The following ADCY7 variants were observed in gnomAD, a reference collection of about 807,000 sequenced individuals.
The protein encoded by ADCY7 is adenylate cyclase type 7.
In ADCY7, 72 loss-of-function variants were observed where a neutral mutation model predicts 120.6. The observed-to-expected ratio is 0.60, with a 90% CI of 0.49 to 0.73. The LOEUF is 0.73. ADCY7 is among the 30% of genes least tolerant of loss of function. The pLI is 0.00. For missense variants in ADCY7, 1,227 were observed against 1,486.0 expected, an observed-to-expected ratio of 0.83 and a Z score of 2.87; for synonymous variants, 661 against 628.0, an observed-to-expected ratio of 1.05 and a Z score of -0.78.
chr16:50,312,752 C>T, intron 21 of ADCY7, 138 bp from the exon 22 acceptor site: 1 of 822,192 alleles, frequency 1.2e-6, no homozygotes, highest in Non-Finnish European at 1.9e-6. Flanking sequence ...AGATGAAACT[C>T]ATGCAGCCCG....
At chr16:50,257,895 A>G (rs773169665) in intron 1 of ADCY7, among the ~76,000 whole-genome samples, 1 of 151,896 alleles carries the variant, frequency 6.6e-6, no homozygotes, top group African/African-American at 2.4e-5. Context: ...GGCATGCACC[A>G]CCACACCAGG....
intron 11 of ADCY7, 148 bp from the exon 12 acceptor site, chr16:50,304,777 A>G (rs1380184863): frequency 2.7e-5 from 31 of 1,145,710 alleles, no homozygotes; most frequent in South Asian, 5.2e-5. Flanking sequence ...GACCACGCTC[A>G]GCTATAGTCA....
At chr16:50,268,132 C>G (rs989469452) in intron 1 of ADCY7, among the ~76,000 whole-genome samples, 4 of 152,186 alleles carry the variant, frequency 2.6e-5, no homozygotes, top group African/African-American at 9.6e-5. Context: ...GAGTCTCTGT[C>G]TGTTGCCCAG....
intron 1 of ADCY7, among the ~76,000 whole-genome samples, chr16:50,282,607 C>T (rs1222174344): frequency 6.6e-6 from 1 of 152,070 alleles, no homozygotes; most frequent in African/African-American, 2.4e-5. Context: ...CTGTCCTGGG[C>T]CTTGTTTGTA....
At chr16:50,249,677 G>A (rs554772150) in intron 1 of ADCY7, among the ~76,000 whole-genome samples, 4 of 152,334 alleles carry the variant, frequency 2.6e-5, no homozygotes, top group African/African-American at 7.2e-5. Flanking sequence ...CCTCGTTATC[G>A]CCCAGTTTGC....
At chr16:50,305,895 G>A (rs759046419) in intron 14 of ADCY7, 46 bp downstream of exon 14, 11 of 1,593,092 alleles carry the variant, frequency 6.9e-6, no homozygotes, top group Admixed American at 6.7e-5. Context: ...GGGGTCTCCA[G>A]GCCTGGGGTA....
intron 11 of ADCY7, 57 bp downstream of exon 11, chr16:50,304,608 A>T: frequency 6.8e-7 from 1 of 1,475,226 alleles, no homozygotes; most frequent in East Asian, 2.3e-5. Flanking sequence ...CAGGAGCAGG[A>T]GAGTGAGTGC....
intron 2 of ADCY7, chr16:50,289,175 C>T (rs1379940232): frequency 6.2e-6 from 2 of 320,878 alleles, no homozygotes; most frequent in Non-Finnish European, 1.2e-5. Flanking sequence ...TGTCTACATT[C>T]TCAGAATCCT....
At chr16:50,270,511 A>G (rs1202780390) in intron 1 of ADCY7, among the ~76,000 whole-genome samples, 1 of 152,192 alleles carries the variant, frequency 6.6e-6, no homozygotes, top group Non-Finnish European at 1.5e-5. Context: ...AGGTGGTTGT[A>G]AAGATTAAAT....
chr16:50,258,571 G>A (rs2150794806), intron 1 of ADCY7, among the ~76,000 whole-genome samples: 1 of 150,796 alleles, frequency 6.6e-6, no homozygotes, highest in South Asian at 2.1e-4. Context: ...GGCAGTCATT[G>A]ATATTCAATG....
intron 1 of ADCY7, among the ~76,000 whole-genome samples, chr16:50,286,848 A>G (rs1346609211): frequency 1.3e-5 from 2 of 152,170 alleles, no homozygotes; most frequent in African/African-American, 4.8e-5. Flanking sequence ...CTTGATCCCT[A>G]CCTCACACCA....
At chr16:50,261,824 G>C (rs1427455563), upstream of ADCY7, among the ~76,000 whole-genome samples, 1 of 152,212 alleles carries the variant, frequency 6.6e-6, no homozygotes, top group Non-Finnish European at 1.5e-5. Flanking sequence ...GGCGAGGTTG[G>C]CGACAAGTGG....
rs1488042636 is a variant in ADCY7, at chr16:50,289,082, C to G, written c.171+732C>G. The G allele has an allele frequency of 3.1e-5, 6 of 192,306 alleles. No individual in the cohort carries two copies. The South Asian group carries it at 4.0e-4, about 13-fold the overall frequency. The allele number at this position is 192,306 out of a possible 1,614,324, so 11.9% of individuals were successfully genotyped here. A position where few individuals can be genotyped will look rare whatever the true frequency, so the allele number is the denominator to read the frequency against. ...ATTCGATTCTACTGAAGACCTGGGTCAGGGATGGCCTGTGTATCACTGCCC... is the reference window on the plus strand; with the variant it reads ...ATTCGATTCTACTGAAGACCTGGGTGAGGGATGGCCTGTGTATCACTGCCC... On this transcript the variant is annotated intron_variant, in intron 2 of 25. Coordinates refer to ENST00000673801, the MANE Select transcript of ADCY7 (RefSeq NM_001114.5).
rs747438578 is a variant in ADCY7, at chr16:50,315,800, C to T, written c.*295C>T. On this transcript the variant is annotated 3_prime_UTR_variant, in exon 26 of 26. Coordinates refer to ENST00000673801, the MANE Select transcript of ADCY7 (RefSeq NM_001114.5). ...CGGGGCTGACTTTGAGATCTTTGTTCCCTGAGGTGCCAGGCAGGCAACTTT... is the reference window on the plus strand; with the variant it reads ...CGGGGCTGACTTTGAGATCTTTGTTTCCTGAGGTGCCAGGCAGGCAACTTT... The T allele has an allele frequency of 1.2e-5, 4 of 327,080 alleles. No homozygotes were observed. The highest frequency in any genetic ancestry group is 2.3e-5 in the Non-Finnish European group (4 of 171,366). 20.3% of individuals were successfully genotyped at this position (327,080 alleles called of 1,614,324 possible).
chr16:50,262,066 C>A (rs2033073237), upstream of ADCY7, among the ~76,000 whole-genome samples: 1 of 152,206 alleles, frequency 6.6e-6, no homozygotes, highest in South Asian at 2.1e-4. Context: ...TTGCTCAGCA[C>A]TCAGTGTTAT....
chr16:50,259,958 C>T (rs954386442), intron 1 of ADCY7, among the ~76,000 whole-genome samples: 10 of 152,320 alleles, frequency 6.6e-5, no homozygotes, highest in African/African-American at 2.2e-4. Context: ...CTGGAATGTT[C>T]CCCGCCTCCC....
Position 50,309,549 on chromosome 16 carries a change from C to A in ADCY7, c.2063C>A (p.Pro688His). 2 of 1,613,868 alleles carry A rather than the reference C, an allele frequency of 1.2e-6. No homozygotes were observed. Among genetic ancestry groups the A allele is most frequent in the Non-Finnish European group, 1.7e-6 (2 of 1,179,868 alleles). ...SLLTVAIINL[P>H]LMPFQVPELP... ...GATGGGGACCTGTCTCCTCTACAGC[C>A]CCTGATGCCTTTCCAAGTTCCAGAG... The change falls in exon 18 of 26, where the codon CCC (proline) becomes CAC (histidine). Residue 688 changes from proline to histidine, a missense_variant and splice_region_variant. Coordinates refer to ENST00000673801, the MANE Select transcript of ADCY7 (RefSeq NM_001114.5).
rs571572722 is a variant in ADCY7, at chr16:50,282,118, A to G, written c.-268-5794A>G. ...CCTTTTTGAGGCCAACAGGGCCCCA[A>G]AGCAGCCCTGAGCCTGCTGAGGCTC... On this transcript the variant is annotated intron_variant, in intron 1 of 25. Coordinates refer to ENST00000673801, the MANE Select transcript of ADCY7 (RefSeq NM_001114.5). 2.0e-5 allele frequency among the ~76,000 whole-genome samples: 3 copies of G among 152,290 alleles called. No homozygotes were observed. The South Asian group carries it at 6.2e-4, about 32-fold the overall frequency.
At chr16:50,266,368 C>A (rs2150813339), upstream of ADCY7, 1 of 152,658 alleles carries the variant, frequency 6.6e-6, no homozygotes, top group South Asian at 1.9e-4. Flanking sequence ...TCCATGAAGT[C>A]ATTGGAGCCC....
Sources: allele counts gnomAD v4.1 joint callset (sites outside exome capture counted in the v4.1 genomes callset), GRCh38; gene constraint gnomAD v4.1.1; transcripts MANE v1.5; gene names NCBI Gene and HGNC (gene_info 2026-07-23, HGNC 2026-07-21).